The following BMPR1B variants were observed in gnomAD, a reference collection of about 807,000 sequenced individuals.
BMPR1B encodes bone morphogenetic protein receptor type-1B.
In BMPR1B, 12 loss-of-function variants were observed where a neutral mutation model predicts 59.1. That is an observed-to-expected ratio of 0.20 (90% CI 0.13 to 0.33). The LOEUF (loss-of-function observed/expected upper bound fraction) is 0.33. Among genes scored for constraint, BMPR1B ranks in the 10% least tolerant of loss-of-function variants. The pLI is 1.00. For synonymous variants in BMPR1B, 237 were observed against 207.3 expected (o/e 1.14, Z -1.23); for missense variants, 550 against 610.9 (o/e 0.90, Z 1.05).
chr4:95,055,467 C>T lies in BMPR1B; in HGVS notation c.-17-48941C>T, dbSNP rs562476747. ...TGGCAAAATATACTGAAAATCTGAA[C>T]TGTTAGACCAACACAGCTGTTAAAT... On this transcript the variant is annotated intron_variant, in intron 3 of 12. Transcript: ENST00000515059. Among the ~76,000 whole-genome samples the T allele has an allele frequency of 6.6e-5, 10 of 152,216 alleles. No individual in the cohort carries two copies. The East Asian group carries it at 1.9e-3, about 29-fold the overall frequency.
intron 2 of BMPR1B, among the ~76,000 whole-genome samples, chr4:94,974,519 T>A (rs1179427477): frequency 6.6e-6 from 1 of 152,202 alleles, no homozygotes; most frequent in Non-Finnish European, 1.5e-5. Flanking sequence ...TGTCTGCCTT[T>A]TGTAGACTCC....
intron 1 of BMPR1B, among the ~76,000 whole-genome samples, chr4:94,799,913 A>G (rs1232873920): frequency 6.6e-6 from 1 of 151,376 alleles, no homozygotes; most frequent in East Asian, 2.0e-4. Context: ...CTGGTCTCAA[A>G]CTCATGGCCT....
At chr4:94,786,995 G>T (rs533776653) in intron 1 of BMPR1B, among the ~76,000 whole-genome samples, 1 of 152,064 alleles carries the variant, frequency 6.6e-6, no homozygotes, top group Non-Finnish European at 1.5e-5. Flanking sequence ...GGCCGTAAAC[G>T]TAACCACTTT....
intron 3 of BMPR1B, among the ~76,000 whole-genome samples, chr4:95,058,612 G>A (rs1579006273): frequency 6.6e-6 from 1 of 152,108 alleles, no homozygotes; most frequent in African/African-American, 2.4e-5. Context: ...TACAAGCTAT[G>A]CCAAGGCCAA....
At chr4:95,097,625 C>T (rs1235527075) in intron 3 of BMPR1B, among the ~76,000 whole-genome samples, 2 of 152,104 alleles carry the variant, frequency 1.3e-5, no homozygotes, top group Non-Finnish European at 2.9e-5. Flanking sequence ...GCAACCTCCA[C>T]CTCCTGGGTT....
chr4:94,865,789 T>C (rs779181438), intron 1 of BMPR1B, among the ~76,000 whole-genome samples: 6 of 152,206 alleles, frequency 3.9e-5, no homozygotes, highest in Non-Finnish European at 7.3e-5. Flanking sequence ...TTTTATTTGC[T>C]AAGAGGAAAG....
In BMPR1B at chr4:94,829,543, G is replaced by T. The variant is rs567491086; in HGVS notation, c.-182-46288G>T. On this transcript the variant is annotated intron_variant, in intron 1 of 12. Transcript: ENST00000515059. ...GCCTCCCAAGGTGCCAGGATTATAGGCATGAGCCATGGCACCTGGCCTTCA... is the reference window on the plus strand; with the variant it reads ...GCCTCCCAAGGTGCCAGGATTATAGTCATGAGCCATGGCACCTGGCCTTCA... Among the ~76,000 whole-genome samples, 3 of 152,226 alleles carry T rather than the reference G, an allele frequency of 2.0e-5. No individual in the cohort carries two copies. The East Asian group carries it at 5.8e-4, about 29-fold the overall frequency.
At chr4:95,081,613 T>A (rs1195110166) in intron 3 of BMPR1B, among the ~76,000 whole-genome samples, 1 of 152,172 alleles carries the variant, frequency 6.6e-6, no homozygotes, top group South Asian at 2.1e-4. Flanking sequence ...AAAGATCAGT[T>A]TAAAATACAA....
chr4:94,906,408 GA>G (rs775380792), intron 2 of BMPR1B, among the ~76,000 whole-genome samples: 3 of 152,098 alleles, frequency 2.0e-5, no homozygotes, highest in Middle Eastern at 3.4e-3. Flanking sequence ...CTTATATGGG[GA>G]AAAAACAAAC....
intron 1 of BMPR1B, among the ~76,000 whole-genome samples, chr4:94,833,393 C>T (rs1297673756): frequency 6.6e-6 from 1 of 152,142 alleles, no homozygotes; most frequent in Non-Finnish European, 1.5e-5. Context: ...ATATCCTTAA[C>T]AAGACCCATA....
intron 3 of BMPR1B, among the ~76,000 whole-genome samples, chr4:95,073,280 C>T (rs888386577): frequency 1.3e-5 from 2 of 152,120 alleles, no homozygotes; most frequent in African/African-American, 4.8e-5. Context: ...TGGGCATCTC[C>T]CCGGTTTTGG....
chr4:94,831,175 T>C (rs1428877320), intron 1 of BMPR1B, among the ~76,000 whole-genome samples: 2 of 147,582 alleles, frequency 1.4e-5, no homozygotes, highest in Non-Finnish European at 3.0e-5. Context: ...ATCCTGACCC[T>C]GTGTAGGCCT....
chr4:95,012,031 A>G (rs1723259750), intron 3 of BMPR1B, among the ~76,000 whole-genome samples: 1 of 151,726 alleles, frequency 6.6e-6, no homozygotes, highest in Non-Finnish European at 1.5e-5. Context: ...AAACAACAAC[A>G]ACAACAACAA....
intron 2 of BMPR1B, among the ~76,000 whole-genome samples, chr4:94,967,448 C>T (rs1730595413): frequency 6.6e-6 from 1 of 151,862 alleles, no homozygotes; most frequent in Admixed American, 6.6e-5. Context: ...CCTTTCCTCT[C>T]CTCTCCTCCC....
intron 1 of BMPR1B, among the ~76,000 whole-genome samples, chr4:94,770,127 C>G (rs1487319623): frequency 6.9e-6 from 1 of 145,142 alleles, no homozygotes; most frequent in Non-Finnish European, 1.5e-5. Context: ...TATGACCATC[C>G]TGTCGTTCAC....
intron 2 of BMPR1B, among the ~76,000 whole-genome samples, chr4:94,884,616 G>T (rs1167709335): frequency 6.6e-6 from 1 of 152,134 alleles, no homozygotes; most frequent in East Asian, 1.9e-4. Flanking sequence ...AGGTTCTTGA[G>T]TTTCTCATAA....
intron 2 of BMPR1B, among the ~76,000 whole-genome samples, chr4:94,890,762 G>C (rs1727361462): frequency 6.6e-6 from 1 of 151,906 alleles, no homozygotes; most frequent in Non-Finnish European, 1.5e-5. Context: ...ATGCTCTCTG[G>C]TGGCTCTTCT....
chr4:94,896,215 TG>T (rs1182268551), intron 2 of BMPR1B, among the ~76,000 whole-genome samples: 3 of 152,152 alleles, frequency 2.0e-5, no homozygotes, highest in African/African-American at 7.2e-5. Flanking sequence ...GTTGCTTTGT[TG>T]AAGTTGATGT....
intron 2 of BMPR1B, among the ~76,000 whole-genome samples, chr4:94,917,177 A>G (rs958019069): frequency 6.6e-6 from 1 of 152,226 alleles, no homozygotes; most frequent in Non-Finnish European, 1.5e-5. Context: ...GAACCCTTAC[A>G]GAGAACCACT....
Sources: gnomAD v4.1 joint callset for allele counts (sites outside exome capture counted in the v4.1 genomes callset) on GRCh38, gnomAD v4.1.1 for gene constraint, MANE v1.5 for transcripts, NCBI Gene and HGNC (gene_info 2026-07-23, HGNC 2026-07-21) for gene names.